PLGRKT: variants seen among roughly 807,000 people sequenced by gnomAD.
PLGRKT encodes the protein plasminogen receptor with a C-terminal lysine.
PLGRKT carries 22 observed loss-of-function variants against 18.5 expected under a neutral mutation model. The observed-to-expected ratio is 1.19, with a 90% confidence interval of 0.85 to 1.70. The LOEUF (loss-of-function observed/expected upper bound fraction) is 1.70. Among genes scored for constraint, PLGRKT ranks in the 40% most tolerant of loss-of-function variants. PLGRKT has a pLI of 0.00. For synonymous variants in PLGRKT, 72 were observed against 52.8 expected (o/e 1.36, Z -1.58); for missense variants, 235 against 174.4 (o/e 1.35, Z -1.96).
At chr9:5,416,874 TCTA>T (rs1454808497) in intron 3 of PLGRKT, among the ~76,000 whole-genome samples, 1 of 152,246 alleles carries the variant, frequency 6.6e-6, no homozygotes, top group Non-Finnish European at 1.5e-5. Flanking sequence ...TATTAACTGT[TCTA>T]CTTTCACTTC....
At chr9:5,423,184 G>T (rs1444965248) in intron 3 of PLGRKT, among the ~76,000 whole-genome samples, 2 of 152,064 alleles carry the variant, frequency 1.3e-5, no homozygotes, top group Admixed American at 1.3e-4. Context: ...AGTGTTTGTT[G>T]TCACTATCAC....
chr9:5,391,365 T>C (rs574971785), intron 3 of PLGRKT, among the ~76,000 whole-genome samples: 1 of 152,044 alleles, frequency 6.6e-6, no homozygotes, highest in Non-Finnish European at 1.5e-5. Flanking sequence ...GAAAAGAAAG[T>C]CATCCTGCTG....
At chr9:5,396,120 C>G (rs1002406992) in intron 3 of PLGRKT, among the ~76,000 whole-genome samples, 11 of 151,454 alleles carry the variant, frequency 7.3e-5, no homozygotes, top group Non-Finnish European at 8.8e-5. Context: ...TCTCGAACTC[C>G]TGACCTGAGG....
At position 5,374,288 on chromosome 9, in the gene PLGRKT, A is replaced by G. The variant is rs1817585707; in HGVS notation, c.82-12400T>C. Among the ~76,000 whole-genome samples the G allele has an allele frequency of 2.0e-5, 3 of 152,116 alleles. 1 individual carries two copies. In the South Asian group the frequency reaches 6.2e-4, roughly 32 times the overall value. On this transcript the variant is annotated intron_variant, in intron 3 of 5. Transcript: ENST00000223864. ...ATAGAACCACTGAGGTGATCACTAAACTGTGTTTTCTGTTCTTGGTTTCTT... is the reference window on the plus strand; with the variant it reads ...ATAGAACCACTGAGGTGATCACTAAGCTGTGTTTTCTGTTCTTGGTTTCTT...
chr9:5,359,073 T>A (rs936799579), intron 5 of PLGRKT, among the ~76,000 whole-genome samples: 6 of 151,988 alleles, frequency 3.9e-5, no homozygotes, highest in Admixed American at 1.3e-4. Flanking sequence ...TATTTTTTTT[T>A]TTTTTTTGAG....
chr9:5,374,749 G>T (rs1817595261), intron 3 of PLGRKT, among the ~76,000 whole-genome samples: 1 of 152,100 alleles, frequency 6.6e-6, no homozygotes, highest in Non-Finnish European at 1.5e-5. Flanking sequence ...AACAAAAGTA[G>T]ATTATGGAAA....
At position 5,431,803 on chromosome 9, in the gene PLGRKT, T is replaced by G. The variant is rs547679971; in HGVS notation, c.81+94A>C. ...GGATGCAGCCCAAAGAACATTTTAT[T>G]GTTGGGAGTCAAAGAGAATGTACGG... On this transcript the variant is annotated intron_variant, in intron 3 of 5. Coordinates refer to ENST00000223864, the MANE Select transcript of PLGRKT (RefSeq NM_018465.4). 62 of 657,628 alleles carry G rather than the reference T, an allele frequency of 9.4e-5. No individual in the cohort carries two copies. In the East Asian group the frequency reaches 1.6e-3, roughly 17 times the overall value. The allele number at this position is 657,628 out of a possible 1,614,324, so 40.7% of individuals were successfully genotyped here. A position where few individuals can be genotyped will look rare whatever the true frequency, so the allele number is the denominator to read the frequency against.
At chr9:5,421,478 C>G (rs1243638073) in intron 3 of PLGRKT, among the ~76,000 whole-genome samples, 1 of 152,230 alleles carries the variant, frequency 6.6e-6, no homozygotes, top group Admixed American at 6.5e-5. Context: ...TGTGTTCCCA[C>G]TGGAGTGTAA....
chr9:5,368,635 T>G (rs111576485), intron 3 of PLGRKT, among the ~76,000 whole-genome samples: 17 of 152,316 alleles, frequency 1.1e-4, no homozygotes, highest in African/African-American at 4.1e-4. Context: ...TTGGGTTCTA[T>G]GCTCACCATT....
chr9:5,397,256 C>T (rs1818067830), intron 3 of PLGRKT, among the ~76,000 whole-genome samples: 1 of 151,882 alleles, frequency 6.6e-6, no homozygotes, highest in Non-Finnish European at 1.5e-5. Context: ...AGTCAGTGTG[C>T]TTACTACCCT....
Position 5,400,313 on chromosome 9 carries a change from A to C in PLGRKT, c.81+31584T>G, listed in dbSNP as rs145192005. Among the ~76,000 whole-genome samples the C allele has an allele frequency of 5.2e-3, 798 of 152,054 alleles. 23 individuals are homozygous for C. The highest frequency in any genetic ancestry group is 0.018 in the African/African-American group (748 of 41,318). Reference sequence around the variant, plus strand: ...ATTCCCTCAAAACATATGTGGCTTCAAATTGTGGGGTGCATAACTGAAAAT... The same window carrying C: ...ATTCCCTCAAAACATATGTGGCTTCCAATTGTGGGGTGCATAACTGAAAAT... On this transcript the variant is annotated intron_variant, in intron 3 of 5. Coordinates refer to ENST00000223864, the MANE Select transcript of PLGRKT (RefSeq NM_018465.4).
At chr9:5,380,370 TAAAAAAAAAAAA>T (rs71326159) in intron 3 of PLGRKT, among the ~76,000 whole-genome samples, 1 of 129,360 alleles carries the variant, frequency 7.7e-6, no homozygotes, top group South Asian at 2.4e-4. Context: ...CTGTCTCAAT[TAAAAAAAAAAAA>T]AAAAAAAGAA....
chr9:5,403,055 T>C (rs2131130984), intron 3 of PLGRKT, among the ~76,000 whole-genome samples: 1 of 151,730 alleles, frequency 6.6e-6, no homozygotes, highest in East Asian at 1.9e-4. Context: ...TGGGTAGAAA[T>C]AAGGTTTATT....
At chr9:5,397,589 A>G (rs1489095275) in intron 3 of PLGRKT, among the ~76,000 whole-genome samples, 1 of 151,662 alleles carries the variant, frequency 6.6e-6, no homozygotes, top group African/African-American at 2.4e-5. Flanking sequence ...AGGGTGGGGG[A>G]AAGAAACAGG....
intron 3 of PLGRKT, among the ~76,000 whole-genome samples, chr9:5,388,264 G>C (rs1331894529): frequency 6.6e-6 from 1 of 151,826 alleles, no homozygotes; most frequent in Non-Finnish European, 1.5e-5. Context: ...CAGGCTGCAA[G>C]TGTGGTTTCC....
intron 3 of PLGRKT, among the ~76,000 whole-genome samples, chr9:5,368,839 A>G (rs1302267207): frequency 6.6e-6 from 1 of 152,210 alleles, no homozygotes; most frequent in Non-Finnish European, 1.5e-5. Flanking sequence ...CAAACCTGAC[A>G]AAAACAAGCA....
intron 3 of PLGRKT, among the ~76,000 whole-genome samples, chr9:5,402,907 C>G (rs1482041590): frequency 6.6e-6 from 1 of 151,694 alleles, no homozygotes; most frequent in African/African-American, 2.4e-5. Flanking sequence ...AAACAGAAGG[C>G]AAATGTCTTG....
At position 5,424,436 on chromosome 9, in the gene PLGRKT, TA is replaced by T. The variant is rs1267318575; in HGVS notation, c.81+7460del. ...TTAACATATAATATATAACATATTA[TA>T]AAATATATTATATATTATAACATAA... On this transcript the variant is annotated intron_variant, in intron 3 of 5. Transcript: ENST00000223864. 4.2e-4 allele frequency among the ~76,000 whole-genome samples: 45 copies of T among 107,282 alleles called. No individual in the cohort carries two copies. The East Asian group carries it at 8.3e-3, about 20-fold the overall frequency. 70.4% of individuals were successfully genotyped at this position (107,282 alleles called of 152,430 possible). A position where few individuals can be genotyped will look rare whatever the true frequency, so the allele number is the denominator to read the frequency against.
chr9:5,413,494 G>C (rs988972752), intron 3 of PLGRKT, among the ~76,000 whole-genome samples: 2 of 152,178 alleles, frequency 1.3e-5, no homozygotes, highest in Admixed American at 6.5e-5. Context: ...TCCTAAAAGT[G>C]AAAGATGGAG....
Sources: allele counts gnomAD v4.1 joint callset (sites outside exome capture counted in the v4.1 genomes callset), GRCh38; gene constraint gnomAD v4.1.1; transcripts MANE v1.5; gene names NCBI Gene and HGNC (gene_info 2026-07-23, HGNC 2026-07-21).